DRD3: variants seen among roughly 807,000 people sequenced by gnomAD.
The protein encoded by DRD3 is dopamine receptor D3.
A neutral mutation model predicts 36.3 loss-of-function variants in DRD3; 19 were observed. That is an observed-to-expected ratio of 0.52 (90% CI 0.36 to 0.77). DRD3 has a LOEUF of 0.77. Among genes scored for constraint, DRD3 ranks in the 30% least tolerant of loss-of-function variants. DRD3 has a pLI of 0.00. For missense variants in DRD3, 465 were observed against 505.3 expected, an observed-to-expected ratio of 0.92 and a Z score of 0.77; for synonymous variants, 195 against 203.7, an observed-to-expected ratio of 0.96 and a Z score of 0.36.
intron 1 of DRD3, among the ~76,000 whole-genome samples, chr3:114,195,549 T>C (rs968020326): frequency 6.6e-6 from 1 of 152,196 alleles, no homozygotes; most frequent in Non-Finnish European, 1.5e-5. Context: ...TCTTTATTAT[T>C]TATGTAATAA....
At chr3:114,189,297 T>G (rs916603761) in intron 1 of DRD3, among the ~76,000 whole-genome samples, 8 of 152,300 alleles carry the variant, frequency 5.3e-5, no homozygotes, top group Middle Eastern at 3.4e-3. Flanking sequence ...TACCAACACA[T>G]TAGGAAAAGC....
chr3:114,163,388 A>C (rs1450220057), intron 2 of DRD3, among the ~76,000 whole-genome samples: 1 of 152,160 alleles, frequency 6.6e-6, no homozygotes, highest in Non-Finnish European at 1.5e-5. Context: ...TCACAACCTG[A>C]AGAGGTAAAT....
chr3:114,147,387 A>G, intron 4 of DRD3, 28 bp downstream of exon 4: 2 of 1,603,560 alleles, frequency 1.2e-6, no homozygotes, highest in Non-Finnish European at 1.7e-6. Flanking sequence ...AATCACATGG[A>G]TGCTAGAAAT....
intron 5 of DRD3, among the ~76,000 whole-genome samples, chr3:114,134,289 G>C (rs1275960266): frequency 6.6e-6 from 1 of 152,170 alleles, no homozygotes; most frequent in Non-Finnish European, 1.5e-5. Flanking sequence ...GTAGAAATGA[G>C]GTCTTGCTAT....
intron 3 of DRD3, among the ~76,000 whole-genome samples, chr3:114,152,183 TACCA>T (rs58654016): frequency 0.013 from 2,048 of 152,308 alleles, 54 homozygotes; most frequent in African/African-American, 0.047. Context: ...GTATACACTG[TACCA>T]TATTTGTAGT....
chr3:114,172,168 T>A, intron 1 of DRD3, 141 bp from the exon 2 acceptor site: 1 of 616,558 alleles, frequency 1.6e-6, no homozygotes, highest in Non-Finnish European at 2.4e-6. Context: ...GAGTTGGAGA[T>A]AGAGCAATGA....
intron 1 of DRD3, among the ~76,000 whole-genome samples, chr3:114,176,856 T>C (rs1469860434): frequency 6.6e-6 from 1 of 152,176 alleles, no homozygotes; most frequent in Admixed American, 6.5e-5. Flanking sequence ...CTAAAATTTA[T>C]AAGCATTATC....
intron 3 of DRD3, among the ~76,000 whole-genome samples, chr3:114,153,332 GT>G (rs1418297475): frequency 6.6e-6 from 1 of 151,176 alleles, no homozygotes; most frequent in African/African-American, 2.4e-5. Context: ...TATTATTATT[GT>G]TATTGTTGTC....
Position 114,171,941 on chromosome 3 carries a change from C to A in DRD3, c.52G>T (p.Glu18Ter). Reference sequence around the variant, plus strand: ...GCCTGGCTGGCACCTGTGGAGTTCTCTGCCCCACAGGTGTAGTTCAGGTGG... The same window carrying A: ...GCCTGGCTGGCACCTGTGGAGTTCTATGCCCCACAGGTGTAGTTCAGGTGG... ...SGHLNYTCGAENSTGASQARP... is the reference protein window; with the variant it reads ...SGHLNYTCGA Residue 18 changes from glutamate to a stop codon, truncating the protein, a stop_gained, in exon 2 of 7, where the codon GAG becomes TAG. Transcript: ENST00000383673. LOFTEE classifies it high-confidence loss of function. 1 of 1,582,710 alleles carries A rather than the reference C, an allele frequency of 6.3e-7. No homozygotes were observed. Among genetic ancestry groups the A allele is most frequent in the Non-Finnish European group, 8.6e-7 (1 of 1,163,566 alleles).
At chr3:114,138,335 G>A (rs1559982682) in intron 5 of DRD3, among the ~76,000 whole-genome samples, 2 of 152,084 alleles carry the variant, frequency 1.3e-5, no homozygotes. Context: ...ACCTGAGACT[G>A]GGTAATTTAT....
chr3:114,150,863 G>A lies in DRD3; in HGVS notation c.384-3306C>T, dbSNP rs555149977. Among the ~76,000 whole-genome samples, 101 of 152,306 alleles carry A rather than the reference G, an allele frequency of 6.6e-4. 1 individual carries two copies. Among genetic ancestry groups the A allele is most frequent in the African/African-American group, 2.4e-3 (99 of 41,562 alleles). On this transcript the variant is annotated intron_variant, in intron 3 of 6. Transcript: ENST00000383673. ...CCCGAATCTGCCTCTTGTGCATCTTGTTGTAGAGTAGTAACATTTGCATTC... is the reference window on the plus strand; with the variant it reads ...CCCGAATCTGCCTCTTGTGCATCTTATTGTAGAGTAGTAACATTTGCATTC...
rs945017268 is a variant in DRD3, at chr3:114,178,958, C to T, written c.-337G>A. The T allele has an allele frequency of 6.6e-6, 1 of 152,124 alleles. No homozygotes were observed. The highest frequency in any genetic ancestry group is 1.5e-5 in the Non-Finnish European group (1 of 68,022). The allele number at this position is 152,124 out of a possible 1,614,324, so 9.4% of individuals were successfully genotyped here. A position where few individuals can be genotyped will look rare whatever the true frequency, so the allele number is the denominator to read the frequency against. Reference sequence around the variant, plus strand: ...CTGAGCGTTGCTTGGGTCAGCCGCTCAGAGGTTCTGTCCTTGGTGCTGAAA... The same window carrying T: ...CTGAGCGTTGCTTGGGTCAGCCGCTTAGAGGTTCTGTCCTTGGTGCTGAAA... On this transcript the variant is annotated 5_prime_UTR_variant, in exon 1 of 7. It removes the in-frame stop codon of an upstream open reading frame in the 5' UTR. Coordinates refer to ENST00000383673, the MANE Select transcript of DRD3 (RefSeq NM_000796.6).
chr3:114,157,896 A>T (rs324033), intron 3 of DRD3, among the ~76,000 whole-genome samples: 1 of 151,946 alleles, frequency 6.6e-6, no homozygotes, highest in African/African-American at 2.4e-5. Context: ...TGAGGTTGGG[A>T]GTTCGAGACC....
intron 5 of DRD3, among the ~76,000 whole-genome samples, chr3:114,132,716 A>G (rs1471085557): frequency 1.3e-5 from 2 of 152,208 alleles, no homozygotes; most frequent in Non-Finnish European, 2.9e-5. Context: ...TGACACCACT[A>G]TGACATAAGC....
rs756117429 is a variant in DRD3, at chr3:114,171,849, G to A, written c.144C>T (p.Gly48=). ...ALILAIVFGN[G]LVCMAVLKER... ...CCTTCAGCACAGCCATGCACACCAG[G>A]CCATTGCCGAAGACGATGGCCAGGA... The change falls in exon 2 of 7, where the codon GGC becomes GGT. Residue 48 remains glycine, a synonymous_variant. Transcript: ENST00000383673. The A allele has an allele frequency of 4.3e-6, 7 of 1,613,874 alleles. No homozygotes were observed. The highest frequency in any genetic ancestry group is 5.9e-6 in the Non-Finnish European group (7 of 1,179,890).
chr3:114,160,995 A>G (rs896563593), intron 2 of DRD3, among the ~76,000 whole-genome samples: 5 of 152,132 alleles, frequency 3.3e-5, no homozygotes, highest in Non-Finnish European at 7.3e-5. Flanking sequence ...TATTTTTGAA[A>G]CCTTTACATA....
intron 2 of DRD3, among the ~76,000 whole-genome samples, chr3:114,166,032 C>T (rs2077780465): frequency 6.8e-6 from 1 of 146,330 alleles, no homozygotes; most frequent in South Asian, 2.2e-4. Context: ...GTTGCCCTAG[C>T]TGGAGTGCAG....
At chr3:114,147,658 T>A (rs921522403) in intron 3 of DRD3, 101 bp from the exon 4 acceptor site, 1 of 1,388,422 alleles carries the variant, frequency 7.2e-7, no homozygotes, top group East Asian at 2.4e-5. Flanking sequence ...AGGGTCTCAC[T>A]CTGTCACCCA....
intron 2 of DRD3, among the ~76,000 whole-genome samples, chr3:114,168,308 C>G (rs1356483030): frequency 6.6e-6 from 1 of 152,166 alleles, no homozygotes; most frequent in Non-Finnish European, 1.5e-5. Context: ...GTCTTTTTCT[C>G]ACAGCATGAC....
Sources: gnomAD v4.1 joint callset for allele counts (sites outside exome capture counted in the v4.1 genomes callset) on GRCh38, gnomAD v4.1.1 for gene constraint, MANE v1.5 for transcripts, NCBI Gene and HGNC (gene_info 2026-07-23, HGNC 2026-07-21) for gene names.